Variants in SNTG2 observed in about 807,000 individuals in gnomAD.
SNTG2 encodes gamma-2-syntrophin.
In SNTG2, 74 loss-of-function variants were observed where a neutral mutation model predicts 70.9. The observed-to-expected ratio is 1.04, with a 90% confidence interval of 0.86 to 1.27. SNTG2 has a LOEUF of 1.27. Ranked by LOEUF, SNTG2 falls within the 50% of genes most tolerant of loss-of-function variation. SNTG2 has a pLI of 0.00. For missense variants in SNTG2, 717 were observed against 690.7 expected (o/e 1.04, Z -0.43); for synonymous variants, 278 against 273.8 (o/e 1.02, Z -0.15).
At chr2:1,036,970 G>A (rs2148048054) in intron 1 of SNTG2, among the ~76,000 whole-genome samples, 1 of 144,246 alleles carries the variant, frequency 6.9e-6, no homozygotes, top group East Asian at 2.0e-4. Context: ...TGTGCTGCCA[G>A]ACCTGGAGGT....
chr2:1,193,309 C>A (rs1302455243), intron 8 of SNTG2, among the ~76,000 whole-genome samples: 1 of 152,174 alleles, frequency 6.6e-6, no homozygotes, highest in Non-Finnish European at 1.5e-5. Flanking sequence ...GGGAGGCTCT[C>A]GGCACAATTT....
chr2:1,142,614 A>G (rs1310180648), intron 6 of SNTG2, among the ~76,000 whole-genome samples: 2 of 152,204 alleles, frequency 1.3e-5, no homozygotes, highest in African/African-American at 4.8e-5. Context: ...CAAGGAAGCT[A>G]TGGCAACTCA....
intron 9 of SNTG2, among the ~76,000 whole-genome samples, chr2:1,212,776 AAG>A (rs1293663335): frequency 6.6e-6 from 1 of 152,158 alleles, no homozygotes; most frequent in Non-Finnish European, 1.5e-5. Context: ...ATGGATGAAA[AAG>A]AGAAGAGACT....
intron 1 of SNTG2, among the ~76,000 whole-genome samples, chr2:986,097 G>GAGAGAGAGAGAGAGAGAGAC (rs1330439864): frequency 1.6e-4 from 24 of 151,764 alleles, no homozygotes; most frequent in African/African-American, 5.8e-4. Context: ...GAGAGAGAGA[G>GAGAGAGAGAGAGAGAGAGAC]AGAGAGAGAG....
At chr2:1,010,641 C>G (rs1659703030) in intron 1 of SNTG2, among the ~76,000 whole-genome samples, 1 of 152,194 alleles carries the variant, frequency 6.6e-6, no homozygotes, top group Non-Finnish European at 1.5e-5. Flanking sequence ...AACAGTCACA[C>G]TTTTTTTCAG....
chr2:1,359,680 A>G (rs1302297844), intron 16 of SNTG2, among the ~76,000 whole-genome samples: 4 of 152,212 alleles, frequency 2.6e-5, no homozygotes, highest in Non-Finnish European at 4.4e-5. Flanking sequence ...AATATTATTT[A>G]TCAGCACATA....
At chr2:1,124,792 T>G (rs1232340408) in intron 4 of SNTG2, among the ~76,000 whole-genome samples, 2 of 151,746 alleles carry the variant, frequency 1.3e-5, no homozygotes, top group Non-Finnish European at 2.9e-5. Context: ...GAGGAGATGG[T>G]GGTGGGGAGG....
chr2:1,332,040 G>A (rs116717918), intron 16 of SNTG2, among the ~76,000 whole-genome samples: 2,622 of 152,166 alleles, frequency 0.017, 58 homozygotes, highest in African/African-American at 0.058. Context: ...AAGGACATGC[G>A]CTGCAACGTC....
intron 1 of SNTG2, among the ~76,000 whole-genome samples, chr2:988,716 G>A (rs1364444619): frequency 2.7e-5 from 4 of 150,300 alleles, no homozygotes; most frequent in East Asian, 1.9e-4. Flanking sequence ...AAGTATATTC[G>A]CAATTTTATG....
chr2:1,300,194 G>C (rs1014048971), intron 14 of SNTG2, among the ~76,000 whole-genome samples: 2 of 151,802 alleles, frequency 1.3e-5, no homozygotes, highest in African/African-American at 4.8e-5. Context: ...CCTTAAATGA[G>C]GGCACTGTTA....
chr2:1,267,240 C>A, intron 13 of SNTG2, 125 bp from the exon 14 acceptor site: 1 of 856,592 alleles, frequency 1.2e-6, no homozygotes, highest in Non-Finnish European at 1.8e-6. Context: ...AATTTGCCTC[C>A]TTGTCTGCAC....
chr2:1,164,072 G>C (rs527493211), intron 6 of SNTG2, among the ~76,000 whole-genome samples: 2 of 152,202 alleles, frequency 1.3e-5, no homozygotes, highest in Admixed American at 1.3e-4. Flanking sequence ...AGATCAGAGG[G>C]AGCGATGAAG....
At chr2:1,112,387 G>A (rs1328690110) in intron 4 of SNTG2, among the ~76,000 whole-genome samples, 1 of 151,668 alleles carries the variant, frequency 6.6e-6, no homozygotes, top group African/African-American at 2.4e-5. Context: ...AATCCTCACA[G>A]TACTTGGAGG....
intron 16 of SNTG2, among the ~76,000 whole-genome samples, chr2:1,325,290 G>A (rs1252873201): frequency 6.6e-6 from 1 of 152,186 alleles, no homozygotes; most frequent in African/African-American, 2.4e-5. Flanking sequence ...ATAAGGTAAA[G>A]GGAAAGGTAA....
At chr2:1,157,997 G>A (rs916468604) in intron 6 of SNTG2, among the ~76,000 whole-genome samples, 1 of 152,180 alleles carries the variant, frequency 6.6e-6, no homozygotes, top group African/African-American at 2.4e-5. Context: ...TGGCCGGCCG[G>A]CAGGTTTGGT....
At chr2:1,238,063 A>G (rs1229520140) in intron 10 of SNTG2, 46 bp downstream of exon 10, 2 of 1,566,536 alleles carry the variant, frequency 1.3e-6, no homozygotes, top group African/African-American at 1.3e-5. Flanking sequence ...TCATTCGTGC[A>G]TGAAAAATAA....
chr2:988,310 G>A (rs1373314993), intron 1 of SNTG2, among the ~76,000 whole-genome samples: 1 of 152,152 alleles, frequency 6.6e-6, no homozygotes, highest in Non-Finnish European at 1.5e-5. Flanking sequence ...GACCCCAGAG[G>A]CCCTGAGTCC....
intron 1 of SNTG2, among the ~76,000 whole-genome samples, chr2:963,964 A>G (rs986482641): frequency 2.0e-5 from 3 of 151,920 alleles, no homozygotes; most frequent in African/African-American, 7.3e-5. Flanking sequence ...CGTGTCTCTC[A>G]TTTTTAACAG....
At chr2:1,099,981 C>T (rs991062445) in intron 4 of SNTG2, among the ~76,000 whole-genome samples, 1 of 152,110 alleles carries the variant, frequency 6.6e-6, no homozygotes, top group South Asian at 2.1e-4. Context: ...AATTAGGGGC[C>T]AGCAAGCCCC....
Sources: allele counts gnomAD v4.1 joint callset (sites outside exome capture counted in the v4.1 genomes callset), GRCh38; gene constraint gnomAD v4.1.1; transcripts MANE v1.5; gene names NCBI Gene and HGNC (gene_info 2026-07-23, HGNC 2026-07-21).